Variants in MOK observed in about 807,000 individuals in gnomAD.
MOK encodes MOK protein kinase.
MOK carries 59 observed loss-of-function variants against 54.2 expected under a neutral mutation model. The ratio of observed to expected loss-of-function variants is 1.09; its 90% CI spans 0.88 to 1.35. The LOEUF (loss-of-function observed/expected upper bound fraction) is 1.35. Ranked by LOEUF, MOK falls within the 40% of genes most tolerant of loss-of-function variation. The pLI is 0.00. For missense variants in MOK, 517 were observed against 526.2 expected, an observed-to-expected ratio of 0.98 and a Z score of 0.17; for synonymous variants, 210 against 202.7, an observed-to-expected ratio of 1.04 and a Z score of -0.31.
intron 7 of MOK, among the ~76,000 whole-genome samples, chr14:102,246,681 C>T (rs1337372034): frequency 6.6e-6 from 1 of 152,066 alleles, no homozygotes; most frequent in East Asian, 1.9e-4. Context: ...TAACAAAAAT[C>T]TCCCCCAGTT....
chr14:102,224,238 C>G (rs2064157200), downstream of MOK, among the ~76,000 whole-genome samples: 1 of 151,950 alleles, frequency 6.6e-6, no homozygotes, highest in African/African-American at 2.4e-5. Flanking sequence ...GATGGGGTTT[C>G]ACCATGTTAG....
chr14:102,293,554 CA>C (rs1419888597), intron 1 of MOK, among the ~76,000 whole-genome samples: 6 of 151,358 alleles, frequency 4.0e-5, no homozygotes, highest in Non-Finnish European at 8.8e-5. Context: ...CAAAATTAGC[CA>C]GGTGTGGTGG....
chr14:102,251,991 T>C lies in MOK; in HGVS notation c.288A>G (p.Arg96=). The change falls in exon 5 of 12, where the codon AGA becomes AGG. Residue 96 remains arginine (R), a synonymous_variant. Coordinates refer to ENST00000361847, the MANE Select transcript of MOK (RefSeq NM_014226.3). The part of the protein sequence containing the change: ...DMNIYELIRG[R]RYPLSEKKIM... ...TTTTTTTTTCTGATAATGGGTATCT[T>C]CTCCCTGTACAATCAAGGAAATAGG... 6.4e-7 allele frequency: 1 copy of C among 1,573,936 alleles called. No homozygotes were observed. The highest frequency in any genetic ancestry group is 8.7e-7 in the Non-Finnish European group (1 of 1,144,632).
At position 102,304,969 on chromosome 14, in the gene MOK, C is replaced by T; in HGVS notation, c.-1G>A. The stretch of plus-strand genomic sequence containing the variant: ...TTCCCCGGCCCCACTCACTCTTCAT[C>T]TTGGATGCGGAAGCCGGTGACAACC... On this transcript the variant is annotated 5_prime_UTR_variant, in exon 1 of 12. Transcript: ENST00000361847. 1.2e-6 allele frequency: 2 copies of T among 1,602,524 alleles called. No homozygotes were observed. The highest frequency in any genetic ancestry group is 1.7e-5 in the Admixed American group (1 of 59,220).
intron 7 of MOK, among the ~76,000 whole-genome samples, chr14:102,244,718 C>T (rs2065960512): frequency 6.6e-6 from 1 of 152,210 alleles, no homozygotes; most frequent in South Asian, 2.1e-4. Context: ...AAAAAGGCCA[C>T]CGTGGTCATT....
intron 1 of MOK, among the ~76,000 whole-genome samples, chr14:102,294,672 G>A (rs2071241973): frequency 6.6e-6 from 1 of 151,978 alleles, no homozygotes; most frequent in Admixed American, 6.6e-5. Flanking sequence ...ATCACTCAAA[G>A]TCAAGCTGTG....
Position 102,250,904 on chromosome 14 carries a change from C to A in MOK, c.498G>T (p.Trp166Cys). The A allele has an allele frequency of 2.5e-6, 4 of 1,614,074 alleles. No individual in the cohort carries two copies. The highest frequency in any genetic ancestry group is 3.4e-6 in the Non-Finnish European group (4 of 1,180,032). The change falls in exon 7 of 12, where the codon TGG (tryptophan) becomes TGT (cysteine). Residue 166 changes from tryptophan to cysteine, a missense_variant. Transcript: ENST00000361847. ...TGAGGAGACACTCCGGGGCCCGGTA[C>A]CAGCGGGTGGAGATGTATTCCGTGT... Reference protein sequence around the residue: ...QPYTEYISTRWYRAPECLLTD... With the variant: ...QPYTEYISTRCYRAPECLLTD...
Position 102,233,732 on chromosome 14 carries a change from A to T in MOK, c.648T>A (p.Asp216Glu). Residue 216 changes from aspartate (D) to glutamate (E), a missense_variant, in exon 8 of 12, where the codon GAT becomes GAA. Coordinates refer to ENST00000361847, the MANE Select transcript of MOK (RefSeq NM_014226.3). ...NELDQISKIH[D>E]VIGTPAQKIL... ...TCTTCTGAGCGGGTGTGCCGATGACATCGTGGATTTTTGAGATTTGGTCCA... is the reference window on the plus strand; with the variant it reads ...TCTTCTGAGCGGGTGTGCCGATGACTTCGTGGATTTTTGAGATTTGGTCCA... 6.2e-7 allele frequency: 1 copy of T among 1,614,066 alleles called. No individual in the cohort carries two copies. The highest frequency in any genetic ancestry group is 8.5e-7 in the Non-Finnish European group (1 of 1,179,952).
intron 6 of MOK, 119 bp downstream of exon 6, chr14:102,251,637 A>T: frequency 2.5e-6 from 2 of 813,320 alleles, no homozygotes; most frequent in Admixed American, 2.0e-5. Flanking sequence ...TTACTGTAAC[A>T]AACAGGCTGT....
chr14:102,282,626 C>G (rs1240574270), intron 2 of MOK, among the ~76,000 whole-genome samples: 1 of 151,922 alleles, frequency 6.6e-6, no homozygotes, highest in African/African-American at 2.4e-5. Flanking sequence ...CCCAGCTACT[C>G]AGGAGACTGA....
intron 1 of MOK, among the ~76,000 whole-genome samples, chr14:102,292,323 A>G (rs1295209926): frequency 6.6e-6 from 1 of 152,008 alleles, no homozygotes; most frequent in East Asian, 1.9e-4. Context: ...AATGTGAAAA[A>G]TTAGCCGGGC....
chr14:102,288,027 G>C (rs1320535673), intron 1 of MOK, among the ~76,000 whole-genome samples: 1 of 150,278 alleles, frequency 6.7e-6, no homozygotes, highest in Non-Finnish European at 1.5e-5. Flanking sequence ...GTAGAGACGG[G>C]GTTTCACCTT....
Position 102,232,496 on chromosome 14 carries a change from G to T in MOK, c.866+39C>A. ...TGTGCCCATGGGTCTCATTTGCCAGGTCCTGCATCTGCCCCACCGAACCCA... is the reference window on the plus strand; with the variant it reads ...TGTGCCCATGGGTCTCATTTGCCAGTTCCTGCATCTGCCCCACCGAACCCA... On this transcript the variant is annotated intron_variant, in intron 9 of 11. Transcript: ENST00000361847. The surrounding 1 kb of genome is among the most constrained non-coding windows in gnomAD (Gnocchi z 5.1). The T allele has an allele frequency of 6.3e-7, 1 of 1,590,496 alleles. No homozygotes were observed. The highest frequency in any genetic ancestry group is 8.6e-7 in the Non-Finnish European group (1 of 1,165,244).
rs1193391322 is a variant in MOK at position 102,244,421 on chromosome 14, C to T, written c.590+6391G>A. ...TGTCGTCATTTCATAACCTCTTCCA[C>T]GTAGATTACAAGCTGCTAGTCTGCC... On this transcript the variant is annotated intron_variant, in intron 7 of 11. Coordinates refer to ENST00000361847, the MANE Select transcript of MOK (RefSeq NM_014226.3). Among the ~76,000 whole-genome samples the T allele has an allele frequency of 3.9e-5, 6 of 152,212 alleles. No individual in the cohort carries two copies. In the South Asian group the frequency reaches 6.2e-4, roughly 16 times the overall value.
rs1366909974 is a variant in MOK, at chr14:102,229,231, G to C, written c.*58C>G. ...TGGCGTCTCAGCAGCAGATCACCCA[G>C]GCCTGGCCCGGTCGGGCTTGGTGTT... On this transcript the variant is annotated 3_prime_UTR_variant, in exon 12 of 12. Coordinates refer to ENST00000361847, the MANE Select transcript of MOK (RefSeq NM_014226.3). The C allele has an allele frequency of 2.7e-6, 4 of 1,505,730 alleles. No individual in the cohort carries two copies. In the African/African-American group the frequency reaches 5.5e-5, roughly 21 times the overall value. 93.3% of individuals were successfully genotyped at this position (1,505,730 alleles called of 1,614,324 possible). A position where few individuals can be genotyped will look rare whatever the true frequency, so the allele number is the denominator to read the frequency against.
At chr14:102,298,166 A>C (rs2071667747) in intron 1 of MOK, among the ~76,000 whole-genome samples, 1 of 152,228 alleles carries the variant, frequency 6.6e-6, no homozygotes, top group Admixed American at 6.5e-5. Context: ...TCTAGTGGGG[A>C]CTTAGAGAAC....
At chr14:102,287,881 G>A (rs1004505968) in intron 1 of MOK, among the ~76,000 whole-genome samples, 7 of 148,034 alleles carry the variant, frequency 4.7e-5, no homozygotes, top group South Asian at 4.2e-4. Flanking sequence ...GCCGGACTGC[G>A]GACTGCAGTG....
intron 2 of MOK, among the ~76,000 whole-genome samples, chr14:102,272,088 C>T (rs1347434212): frequency 6.6e-6 from 1 of 152,094 alleles, no homozygotes; most frequent in Non-Finnish European, 1.5e-5. Context: ...CCAGGCTGGC[C>T]TCAAACTCCT....
the MOK span, chr14:102,214,951 T>G: frequency 1.6e-5 from 16 of 985,376 alleles, no homozygotes; most frequent in Non-Finnish European, 1.9e-5. Context: ...TGAAGTACTG[T>G]GGGGCTGTCC....
Sources: allele counts gnomAD v4.1 joint callset (sites outside exome capture counted in the v4.1 genomes callset), GRCh38; gene constraint gnomAD v4.1.1; non-coding constraint Gnocchi (gnomAD v3.1); transcripts MANE v1.5; gene names NCBI Gene and HGNC (gene_info 2026-07-23, HGNC 2026-07-21).